Variants in ERGIC3 observed in about 807,000 individuals in gnomAD.
ERGIC3 encodes ERGIC and golgi 3.
A neutral mutation model predicts 54.7 loss-of-function variants in ERGIC3; 33 were observed. The ratio of observed to expected loss-of-function variants is 0.60; its 90% confidence interval spans 0.46 to 0.81. ERGIC3 has a LOEUF of 0.81. Ranked by LOEUF, ERGIC3 falls within the 30% of genes least tolerant of loss-of-function variation. ERGIC3 has a pLI of 0.00. For missense variants in ERGIC3, 399 were observed against 488.4 expected (o/e 0.82, Z 1.73); for synonymous variants, 186 against 189.8 (o/e 0.98, Z 0.16).
intron 12 of ERGIC3, 54 bp from the exon 13 acceptor site, chr20:35,557,371 C>G (rs187992055): frequency 6.2e-7 from 1 of 1,607,464 alleles, no homozygotes; most frequent in African/African-American, 1.3e-5. Flanking sequence ...AGGCTCTCAG[C>G]GTCAAAAGCC....
At chr20:35,557,173 C>T (rs756985234) in intron 11 of ERGIC3, 21 bp from the exon 12 acceptor site, 1 of 1,614,170 alleles carries the variant, frequency 6.2e-7, no homozygotes, top group Non-Finnish European at 8.5e-7. Flanking sequence ...GCCTGCTGAG[C>T]CCACCCTCTC....
intron 12 of ERGIC3, 72 bp downstream of exon 12, chr20:35,557,321 G>T (rs899054172): frequency 4.3e-6 from 7 of 1,611,392 alleles, no homozygotes; most frequent in Non-Finnish European, 5.1e-6. Flanking sequence ...GTTTGGTTGG[G>T]GGTGAAGGGG....
intron 3 of ERGIC3, 28 bp downstream of exon 3, chr20:35,542,628 G>A: frequency 6.2e-7 from 1 of 1,611,600 alleles, no homozygotes; most frequent in Non-Finnish European, 8.5e-7. Flanking sequence ...GGTGGGACTG[G>A]AGAGACCCAG....
chr20:35,543,799 GAGA>G (rs2064630658), intron 4 of ERGIC3: 31 of 444,294 alleles, frequency 7.0e-5, no homozygotes, highest in South Asian at 5.0e-4. Flanking sequence ...ATGACTGGAG[GAGA>G]AGGTTTTTTT....
chr20:35,548,709 T>C, intron 6 of ERGIC3, 35 bp downstream of exon 6: 1 of 1,614,122 alleles, frequency 6.2e-7, no homozygotes, highest in East Asian at 2.2e-5. Context: ...TAGGGCCAGC[T>C]GGGCTGGGCA....
chr20:35,557,050 C>G lies in ERGIC3; in HGVS notation c.957C>G (p.Pro319=). The G allele has an allele frequency of 6.2e-7, 1 of 1,614,264 alleles. No individual in the cohort carries two copies. Among genetic ancestry groups the G allele is most frequent in the South Asian group, 1.1e-5 (1 of 91,090 alleles). The change falls in exon 11 of 13, where the codon CCC becomes CCG. Residue 319 remains proline, a synonymous_variant. Coordinates refer to ENST00000348547, the MANE Select transcript of ERGIC3 (RefSeq NM_015966.3). The part of the protein sequence containing the change: ...ANGLLGDQGL[P]GVFVLYELSP... ...GGCTGTTGGGCGACCAAGGCCTTCC[C>G]GGAGTCTTCGTCCTCTATGAGCTCT...
intron 10 of ERGIC3, chr20:35,556,768 C>A: frequency 1.5e-6 from 1 of 667,216 alleles, no homozygotes; most frequent in African/African-American, 1.8e-5. Context: ...AAAGACTTGG[C>A]ACCTGGAGGG....
Position 35,546,406 on chromosome 20 carries a change from A to G in ERGIC3, c.368-1006A>G, listed in dbSNP as rs191477358. Among the ~76,000 whole-genome samples, 523 of 152,184 alleles carry G rather than the reference A, an allele frequency of 3.4e-3. 3 individuals carry two copies. Among genetic ancestry groups the G allele is most frequent in the Non-Finnish European group, 5.5e-3 (377 of 67,990 alleles). ...CTTAGTGGAAATTGAAAGCAAGGAC[A>G]TTAGCTAAGTGAAGAAATAGGAGGG... On this transcript the variant is annotated intron_variant, in intron 4 of 12. Coordinates refer to ENST00000348547, the MANE Select transcript of ERGIC3 (RefSeq NM_015966.3).
intron 7 of ERGIC3, among the ~76,000 whole-genome samples, chr20:35,553,680 G>T (rs1478892412): frequency 6.6e-6 from 1 of 152,126 alleles, no homozygotes; most frequent in Non-Finnish European, 1.5e-5. Flanking sequence ...CAGTGTGGGG[G>T]CTGGAGGACC....
chr20:35,552,207 A>G (rs1382703679), intron 7 of ERGIC3, among the ~76,000 whole-genome samples: 1 of 152,086 alleles, frequency 6.6e-6, no homozygotes, highest in East Asian at 1.9e-4. Flanking sequence ...GTCTCTTCTG[A>G]GTCTTCCCAT....
At chr20:35,555,165 G>T (rs536297162) in intron 8 of ERGIC3, 90 bp downstream of exon 8, 1 of 1,452,266 alleles carries the variant, frequency 6.9e-7, no homozygotes, top group Admixed American at 1.7e-5. Flanking sequence ...CCTGGGATGG[G>T]GTAGTGCATA....
At chr20:35,555,826 A>AAG (rs1330592906) in intron 8 of ERGIC3, among the ~76,000 whole-genome samples, 5 of 151,826 alleles carry the variant, frequency 3.3e-5, no homozygotes, top group South Asian at 4.1e-4. Context: ...AAAAAAAAAA[A>AAG]AAAAGAAAAA....
At chr20:35,555,234 T>G (rs772890191) in intron 8 of ERGIC3, among the ~76,000 whole-genome samples, 159 bp downstream of exon 8, 11 of 152,090 alleles carry the variant, frequency 7.2e-5, no homozygotes, top group Non-Finnish European at 1.6e-4. Flanking sequence ...CGAGAGTGAC[T>G]TTTGAACTGA....
chr20:35,551,455 G>A (rs2064681396), intron 7 of ERGIC3, among the ~76,000 whole-genome samples: 1 of 152,174 alleles, frequency 6.6e-6, no homozygotes, highest in Non-Finnish European at 1.5e-5. Context: ...AAGGTGTCAA[G>A]TAAGTTTTCC....
rs2064636985 is a variant in ERGIC3 at position 35,544,537 on chromosome 20, T to C, written c.367+1596T>C. 4.7e-5 allele frequency: 13 copies of C among 277,090 alleles called. No homozygotes were observed. The South Asian group carries it at 6.0e-4, about 13-fold the overall frequency. The allele number at this position is 277,090 out of a possible 1,614,324, so 17.2% of individuals were successfully genotyped here. On this transcript the variant is annotated intron_variant, in intron 4 of 12. Transcript: ENST00000348547. ...GTCCCCACTCTTTTCTTGATGAACT[T>C]GAGGGCCCGTTTGTCCTTGGAGACC...
chr20:35,556,898 A>AGCAGGGGTGGG, intron 10 of ERGIC3, 75 bp from the exon 11 acceptor site: 1 of 1,597,448 alleles, frequency 6.3e-7, no homozygotes, highest in South Asian at 1.1e-5. Context: ...AAGGGGAAGG[A>AGCAGGGGTGGG]GCAGGGGTGG....
At chr20:35,542,240 C>G in intron 1 of ERGIC3, 55 bp downstream of exon 1, 1 of 1,607,732 alleles carries the variant, frequency 6.2e-7, no homozygotes, top group Non-Finnish European at 8.5e-7. Flanking sequence ...GAGCTTAGCC[C>G]GGGCTCCTGG....
At chr20:35,552,647 T>A (rs1233805713) in intron 7 of ERGIC3, among the ~76,000 whole-genome samples, 1 of 152,070 alleles carries the variant, frequency 6.6e-6, no homozygotes, top group African/African-American at 2.4e-5. Flanking sequence ...GTCAACAAGT[T>A]ATTGGAATTG....
chr20:35,548,468 A>T (rs1226783308), intron 5 of ERGIC3, 41 bp from the exon 6 acceptor site: 1 of 1,603,994 alleles, frequency 6.2e-7, no homozygotes, highest in Non-Finnish European at 8.5e-7. Context: ...CACTGGACTT[A>T]TGCCTCTTTA....
Sources: gnomAD v4.1 joint callset for allele counts (sites outside exome capture counted in the v4.1 genomes callset) on GRCh38, gnomAD v4.1.1 for gene constraint, MANE v1.5 for transcripts, NCBI Gene and HGNC (gene_info 2026-07-23, HGNC 2026-07-21) for gene names.